The following NUDCD3 variants were observed in gnomAD, a reference collection of about 807,000 sequenced individuals.
NUDCD3 encodes NudC domain containing 3, also known as nudC domain-containing protein 3.
NUDCD3 carries 13 observed loss-of-function variants against 39.7 expected under a neutral mutation model. The ratio of observed to expected loss-of-function variants is 0.33; its 90% CI spans 0.21 to 0.52. NUDCD3 has a LOEUF of 0.52. Ranked by LOEUF, NUDCD3 falls within the 20% of genes least tolerant of loss-of-function variation. The pLI is 0.96. For synonymous variants in NUDCD3, 175 were observed against 172.4 expected (o/e 1.02, Z -0.12); for missense variants, 453 against 458.1 (o/e 0.99, Z 0.10).
chr7:44,442,744 G>C (rs1019695869), intron 2 of NUDCD3, among the ~76,000 whole-genome samples: 3 of 141,248 alleles, frequency 2.1e-5, no homozygotes, highest in African/African-American at 8.0e-5. Context: ...GGCCCAGGCC[G>C]GACTGCAGTG....
chr7:44,481,797 G>A (rs1585109308), intron 2 of NUDCD3, among the ~76,000 whole-genome samples: 1 of 152,174 alleles, frequency 6.6e-6, no homozygotes, highest in African/African-American at 2.4e-5. Context: ...TTAATCCCAA[G>A]ATATTGGGAT....
At chr7:44,469,169 C>G (rs1373082920) in intron 2 of NUDCD3, among the ~76,000 whole-genome samples, 2 of 140,310 alleles carry the variant, frequency 1.4e-5, no homozygotes, top group African/African-American at 5.4e-5. Context: ...CTTGAGTCAG[C>G]AGGTAAGGAA....
chr7:44,397,116 G>A (rs1011972535), intron 4 of NUDCD3, among the ~76,000 whole-genome samples: 1 of 152,120 alleles, frequency 6.6e-6, no homozygotes, highest in Non-Finnish European at 1.5e-5. Context: ...CTCTCAGCCC[G>A]ATGCTCGTTT....
At chr7:44,444,681 G>A (rs1799656377) in intron 2 of NUDCD3, among the ~76,000 whole-genome samples, 1 of 152,158 alleles carries the variant, frequency 6.6e-6, no homozygotes, top group Non-Finnish European at 1.5e-5. Context: ...GTAGGCCTGG[G>A]AGAAGCTCCC....
chr7:44,403,242 T>C (rs1331078543), intron 4 of NUDCD3, among the ~76,000 whole-genome samples: 2 of 152,164 alleles, frequency 1.3e-5, no homozygotes, highest in Non-Finnish European at 2.9e-5. Context: ...AGGCCCTGGG[T>C]GGCCAGGAGA....
chr7:44,437,228 C>T (rs1799485894), intron 2 of NUDCD3, among the ~76,000 whole-genome samples: 1 of 151,982 alleles, frequency 6.6e-6, no homozygotes, highest in African/African-American at 2.4e-5. Flanking sequence ...TGCCACCACA[C>T]CTGGCTAATT....
At chr7:44,394,131 G>A (rs1250893731) in intron 4 of NUDCD3, among the ~76,000 whole-genome samples, 3 of 152,208 alleles carry the variant, frequency 2.0e-5, no homozygotes, top group Admixed American at 1.3e-4. Context: ...AGATTTTCCA[G>A]AACTGGGAAG....
intron 5 of NUDCD3, among the ~76,000 whole-genome samples, chr7:44,386,987 C>T (rs1262937219): frequency 3.3e-5 from 5 of 151,996 alleles, no homozygotes; most frequent in African/African-American, 1.2e-4. Context: ...AACCTTCTGA[C>T]CACAAGAGAC....
intron 2 of NUDCD3, among the ~76,000 whole-genome samples, chr7:44,462,904 C>T (rs1272049822): frequency 1.3e-5 from 2 of 152,032 alleles, no homozygotes; most frequent in Non-Finnish European, 2.9e-5. Flanking sequence ...CAAAGCAACA[C>T]TGCCTGTGTA....
intron 2 of NUDCD3, among the ~76,000 whole-genome samples, chr7:44,446,408 T>G (rs1012184811): frequency 2.6e-5 from 4 of 152,260 alleles, no homozygotes; most frequent in Non-Finnish European, 5.9e-5. Flanking sequence ...TTTTCCGTTC[T>G]CATTAGTTAC....
chr7:44,454,564 G>A (rs1189066031), intron 2 of NUDCD3, among the ~76,000 whole-genome samples: 1 of 152,104 alleles, frequency 6.6e-6, no homozygotes, highest in Non-Finnish European at 1.5e-5. Context: ...CTGTGACCTG[G>A]CAACTGTGAA....
intron 2 of NUDCD3, among the ~76,000 whole-genome samples, chr7:44,462,374 G>T (rs564876834): frequency 4.5e-4 from 69 of 152,218 alleles, no homozygotes; most frequent in Middle Eastern, 3.4e-3. Context: ...TGTGCCACTA[G>T]CATCTCAACC....
At chr7:44,396,610 G>A (rs1330827732) in intron 4 of NUDCD3, among the ~76,000 whole-genome samples, 1 of 151,204 alleles carries the variant, frequency 6.6e-6, no homozygotes, top group Non-Finnish European at 1.5e-5. Context: ...AATGGCCCAC[G>A]CCTCGTAAGT....
At chr7:44,475,079 C>G (rs544114548) in intron 2 of NUDCD3, among the ~76,000 whole-genome samples, 1 of 151,656 alleles carries the variant, frequency 6.6e-6, no homozygotes, top group Non-Finnish European at 1.5e-5. Context: ...TTCAGGTAGA[C>G]AACACTCAAC....
chr7:44,384,219 C>G lies in NUDCD3; in HGVS notation c.*1792G>C, dbSNP rs1317381443. The G allele has an allele frequency of 3.3e-5, 5 of 152,220 alleles. No homozygotes were observed. Among genetic ancestry groups the G allele is most frequent in the Admixed American group, 6.5e-5 (1 of 15,278 alleles). 9.4% of individuals were successfully genotyped at this position (152,220 alleles called of 1,614,324 possible). On this transcript the variant is annotated 3_prime_UTR_variant, in exon 6 of 6. Coordinates refer to ENST00000355451, the MANE Select transcript of NUDCD3 (RefSeq NM_015332.4). ...CGGGAACTATAGAGAAGAGAGGAGA[C>G]ACACACCACAAGACCTCCTTTCATT...
intron 4 of NUDCD3, among the ~76,000 whole-genome samples, chr7:44,400,987 G>A (rs1585054605): frequency 2.6e-5 from 4 of 152,192 alleles, no homozygotes; most frequent in Non-Finnish European, 4.4e-5. Flanking sequence ...CCCAGTGCCT[G>A]CACAGGGTTG....
In NUDCD3 at chr7:44,385,678, G is replaced by C. The variant is rs1798389355; in HGVS notation, c.*333C>G. The C allele has an allele frequency of 3.1e-6, 1 of 320,440 alleles. No homozygotes were observed. The highest frequency in any genetic ancestry group is 5.1e-5 in the South Asian group (1 of 19,640). 19.8% of individuals were successfully genotyped at this position (320,440 alleles called of 1,614,324 possible). A position where few individuals can be genotyped will look rare whatever the true frequency, so the allele number is the denominator to read the frequency against. ...TAGCGTCAAAACAACAGCAAGCAGA[G>C]AGCAGGGGAGGAAAGACATGCTGCC... On this transcript the variant is annotated 3_prime_UTR_variant, in exon 6 of 6. Coordinates refer to ENST00000355451, the MANE Select transcript of NUDCD3 (RefSeq NM_015332.4).
intron 1 of NUDCD3, among the ~76,000 whole-genome samples, chr7:44,488,086 T>C (rs307009): frequency 0.97 from 147,622 of 152,256 alleles, 71,607 homozygotes; most frequent in East Asian, 1. Flanking sequence ...CCTGTAATCC[T>C]AGCACTTTAG....
At position 44,380,956 on chromosome 7, in the gene NUDCD3, G is replaced by A. The variant is rs572778730; in HGVS notation, c.*5055C>T. On this transcript the variant is annotated 3_prime_UTR_variant, in exon 6 of 6. Transcript: ENST00000355451. ...TGTCTCTGCAGTAAGAAGGGCTTGG[G>A]GCAGTGCTCCGCTGGCAGGCAGACA... is the stretch of plus-strand genomic sequence containing the variant. 2 of 152,474 alleles carry A rather than the reference G, an allele frequency of 1.3e-5. No homozygotes were observed. The highest frequency in any genetic ancestry group is 4.1e-4 in the South Asian group (2 of 4,828). The allele number at this position is 152,474 out of a possible 1,614,324, so 9.4% of individuals were successfully genotyped here.
Sources: gnomAD v4.1 joint callset for allele counts (sites outside exome capture counted in the v4.1 genomes callset) on GRCh38, gnomAD v4.1.1 for gene constraint, MANE v1.5 for transcripts, NCBI Gene and HGNC (gene_info 2026-07-23, HGNC 2026-07-21) for gene names.